SPTBN4: variants seen among roughly 807,000 people sequenced by gnomAD.
SPTBN4 encodes spectrin beta chain, non-erythrocytic 4.
SPTBN4 carries 96 observed loss-of-function variants against 277.8 expected under a neutral mutation model. The observed-to-expected ratio is 0.35, with a 90% CI of 0.29 to 0.41. SPTBN4 has a LOEUF of 0.41. SPTBN4 is among the 10% of genes least tolerant of loss of function. The pLI is 1.00. For missense variants in SPTBN4, 3,006 were observed against 3,595.7 expected (o/e 0.84, Z 4.19); for synonymous variants, 1,481 against 1,580.3 (o/e 0.94, Z 1.49).
At chr19:40,546,146 A>G (rs1377321598) in intron 20 of SPTBN4, among the ~76,000 whole-genome samples, 1 of 150,996 alleles carries the variant, frequency 6.6e-6, no homozygotes, top group Non-Finnish European at 1.5e-5. Flanking sequence ...AATCACTTGA[A>G]CTGAGGAGGC....
chr19:40,490,868 T>C lies in SPTBN4; in HGVS notation c.495+620T>C, dbSNP rs1158814978. On this transcript the variant is annotated intron_variant, in intron 4 of 35. Coordinates refer to ENST00000598249, the MANE Select transcript of SPTBN4 (RefSeq NM_020971.3). This position sits in a 1 kb window ranked among gnomAD's most constrained non-coding sequence, Gnocchi z 4.3. ...TTTGAGACCAGCCTGGCCAACATAATGAGACCTTAAATAAATTTAAAAAAT... is the reference window on the plus strand; with the variant it reads ...TTTGAGACCAGCCTGGCCAACATAACGAGACCTTAAATAAATTTAAAAAAT... Among the ~76,000 whole-genome samples, 1 of 151,876 alleles carries C rather than the reference T, an allele frequency of 6.6e-6. No individual in the cohort carries two copies. The highest frequency in any genetic ancestry group is 1.5e-5 in the Non-Finnish European group (1 of 67,984).
Position 40,486,364 on chromosome 19 carries a change from G to C in SPTBN4, c.170-1333G>C, listed in dbSNP as rs1482320893. On this transcript the variant is annotated intron_variant, in intron 2 of 35. Transcript: ENST00000598249. Reference sequence around the variant, plus strand: ...TTTGGAGTCCTCACACATTGCTGGTGCAGCAACTTTTTTTTTTTTTTTTGA... The same window carrying C: ...TTTGGAGTCCTCACACATTGCTGGTCCAGCAACTTTTTTTTTTTTTTTTGA... 2.6e-5 allele frequency among the ~76,000 whole-genome samples: 4 copies of C among 151,788 alleles called. No individual in the cohort carries two copies. In the East Asian group the frequency reaches 7.7e-4, roughly 29 times the overall value.
At chr19:40,536,845 G>T (rs2080742938) in intron 20 of SPTBN4, among the ~76,000 whole-genome samples, 2 of 152,090 alleles carry the variant, frequency 1.3e-5, no homozygotes, top group Non-Finnish European at 2.9e-5. Flanking sequence ...GACTGCAGTG[G>T]TGCAATCACG....
At position 40,502,364 on chromosome 19, in the gene SPTBN4, G is replaced by A. The variant is rs774173718; in HGVS notation, c.1086-26G>A. ...GGTGGGCAGGGGTGGCATGACGGCA[G>A]GGCTCCTGAGCTCATGCCCCTTCAG... On this transcript the variant is annotated intron_variant, in intron 9 of 35. Transcript: ENST00000598249. This position sits in a 1 kb window ranked among gnomAD's most constrained non-coding sequence, Gnocchi z 4.9. 1.2e-6 allele frequency: 2 copies of A among 1,609,578 alleles called. No homozygotes were observed. Among genetic ancestry groups the A allele is most frequent in the Admixed American group, 3.3e-5 (2 of 59,946 alleles).
intron 17 of SPTBN4, 47 bp from the exon 18 acceptor site, chr19:40,528,994 C>G (rs765834870): frequency 1.3e-6 from 2 of 1,499,062 alleles, no homozygotes; most frequent in South Asian, 2.3e-5. Context: ...CAGCGCCGCA[C>G]CCCCCAACCC....
intron 22 of SPTBN4, among the ~76,000 whole-genome samples, chr19:40,552,115 CG>C (rs1258075743): frequency 6.6e-6 from 1 of 150,696 alleles, no homozygotes; most frequent in Non-Finnish European, 1.5e-5. Context: ...GTCAGGAGTT[CG>C]AGACCAGCCT....
chr19:40,502,193 G>C lies in SPTBN4; in HGVS notation c.963G>C (p.Leu321=), dbSNP rs1404946333. The C allele has an allele frequency of 5.0e-6, 8 of 1,614,104 alleles. No homozygotes were observed. Among genetic ancestry groups the C allele is most frequent in the East Asian group, 2.2e-5 (1 of 44,888 alleles). ...GCTACGAGGAGCTGGCGGCTGAGCTGCTGGCCTGGATCCACCGCACCGTGG... is the reference window on the plus strand; with the variant it reads ...GCTACGAGGAGCTGGCGGCTGAGCTCCTGGCCTGGATCCACCGCACCGTGG... ...IERYEELAAE[L]LAWIHRTVGL... The change falls in exon 9 of 36, where the codon CTG becomes CTC. Residue 321 remains leucine (L), a synonymous_variant. Coordinates refer to ENST00000598249, the MANE Select transcript of SPTBN4 (RefSeq NM_020971.3). The surrounding 1 kb of genome is among the most constrained non-coding windows in gnomAD (Gnocchi z 4.9).
chr19:40,543,973 A>G (rs2080828119), intron 20 of SPTBN4, among the ~76,000 whole-genome samples: 1 of 152,182 alleles, frequency 6.6e-6, no homozygotes, highest in Non-Finnish European at 1.5e-5. Flanking sequence ...TATCGCCTTC[A>G]TCCCTGTTCC....
At chr19:40,525,635 A>T (rs1268496801) in intron 17 of SPTBN4, among the ~76,000 whole-genome samples, 1 of 152,036 alleles carries the variant, frequency 6.6e-6, no homozygotes, top group African/African-American at 2.4e-5. Context: ...TTATTCACTC[A>T]TCCTCCAGTC....
chr19:40,548,436 A>AGC (rs1413507241), intron 20 of SPTBN4, among the ~76,000 whole-genome samples: 1 of 152,266 alleles, frequency 6.6e-6, no homozygotes, highest in African/African-American at 2.4e-5. Context: ...GGTTGCAGTG[A>AGC]GCTGAGGTTG....
intron 12 of SPTBN4, among the ~76,000 whole-genome samples, 175 bp from the exon 13 acceptor site, chr19:40,506,061 C>T (rs529849195): frequency 2.6e-5 from 4 of 152,284 alleles, no homozygotes; most frequent in Non-Finnish European, 4.4e-5. Flanking sequence ...ATGAGGAAAC[C>T]GAGGTCCAGG....
intron 20 of SPTBN4, among the ~76,000 whole-genome samples, chr19:40,543,845 C>T (rs887586408): frequency 2.0e-5 from 3 of 152,086 alleles, no homozygotes; most frequent in African/African-American, 7.2e-5. Context: ...ACAAGTGTAC[C>T]TATATGGATG....
At chr19:40,559,991 C>T (rs956237660) in intron 26 of SPTBN4, among the ~76,000 whole-genome samples, 168 bp from the exon 27 acceptor site, 2 of 152,210 alleles carry the variant, frequency 1.3e-5, no homozygotes, top group Non-Finnish European at 2.9e-5. Flanking sequence ...AGTCAGAATG[C>T]GGGTAAGTCA....
At chr19:40,532,166 C>G (rs1371125117) in intron 18 of SPTBN4, among the ~76,000 whole-genome samples, 1 of 150,686 alleles carries the variant, frequency 6.6e-6, no homozygotes, top group Non-Finnish European at 1.5e-5. Flanking sequence ...TGGGTTGAGG[C>G]TCTTGAATTG....
Position 40,498,891 on chromosome 19 carries a change from G to A in SPTBN4, c.784+1287G>A, listed in dbSNP as rs1279773166. Among the ~76,000 whole-genome samples the A allele has an allele frequency of 3.3e-5, 5 of 151,334 alleles. No individual in the cohort carries two copies. In the East Asian group the frequency reaches 9.8e-4, roughly 30 times the overall value. On this transcript the variant is annotated intron_variant, in intron 7 of 35. Transcript: ENST00000598249. ...TAATTTTTGTATTTTTAGTAGAGGT[G>A]GGGTTTCATCATGTTGCCCAGGCTG...
At position 40,502,335 on chromosome 19, in the gene SPTBN4, G is replaced by A; in HGVS notation, c.1085+20G>A. 1.2e-6 allele frequency: 2 copies of A among 1,610,794 alleles called. No homozygotes were observed. The highest frequency in any genetic ancestry group is 1.7e-6 in the Non-Finnish European group (2 of 1,178,098). ...TGTCAAGTGAGGCCCAGCTCTGGAG[G>A]GAGGGTGGGCAGGGGTGGCATGACG... On this transcript the variant is annotated intron_variant, in intron 9 of 35. Transcript: ENST00000598249. This position sits in a 1 kb window ranked among gnomAD's most constrained non-coding sequence, Gnocchi z 4.9.
intron 24 of SPTBN4, among the ~76,000 whole-genome samples, 150 bp from the exon 25 acceptor site, chr19:40,555,929 AAAAAG>A (rs1450624055): frequency 2.0e-5 from 3 of 152,098 alleles, no homozygotes; most frequent in South Asian, 2.1e-4. Context: ...AAAAAAAAGA[AAAAAG>A]AAAAGAAAAC....
intron 30 of SPTBN4, chr19:40,567,296 CAAAAATAA>C (rs928513415): frequency 8.7e-6 from 1 of 114,470 alleles, no homozygotes; most frequent in Admixed American, 9.5e-5. Flanking sequence ...AAGACTGTCT[CAAAAATAA>C]ATAAATAAAT....
Position 40,506,320 on chromosome 19 carries a change from A to C in SPTBN4, c.1750A>C (p.Ile584Leu). 1 of 1,614,046 alleles carries C rather than the reference A, an allele frequency of 6.2e-7. No homozygotes were observed. Among genetic ancestry groups the C allele is most frequent in the Non-Finnish European group, 8.5e-7 (1 of 1,179,896 alleles). Reference protein sequence around the residue: ...LQKHGLLEGDIAAQSERVEAL... With the variant: ...LQKHGLLEGDLAAQSERVEAL... Reference sequence around the variant, plus strand: ...GAAGCATGGACTGCTGGAGGGAGACATTGCCGCCCAGAGCGAGCGGGTGGA... The same window carrying C: ...GAAGCATGGACTGCTGGAGGGAGACCTTGCCGCCCAGAGCGAGCGGGTGGA... Residue 584 changes from isoleucine to leucine, a missense_variant, in exon 13 of 36, where the codon ATT becomes CTT. This residue lies in a region of SPTBN4 where 1,759 missense variants were observed against 2,061.5 expected (regional missense o/e 0.85). Coordinates refer to ENST00000598249, the MANE Select transcript of SPTBN4 (RefSeq NM_020971.3).
Sources: gnomAD v4.1 joint callset for allele counts (sites outside exome capture counted in the v4.1 genomes callset) on GRCh38, gnomAD v4.1.1 for gene constraint, gnomAD v4.1.1 regional missense constraint, Gnocchi (gnomAD v3.1) non-coding constraint, MANE v1.5 for transcripts, NCBI Gene and HGNC (gene_info 2026-07-23, HGNC 2026-07-21) for gene names.